The following GPR142 variants were observed in gnomAD, a reference collection of about 807,000 sequenced individuals.
GPR142 encodes G protein-coupled receptor 142.
GPR142 carries 9 observed loss-of-function variants against 10.6 expected under a neutral mutation model. The observed-to-expected ratio is 0.85, with a 90% confidence interval of 0.51 to 1.48. GPR142 has a LOEUF of 1.48. GPR142 is among the 40% of genes most tolerant of loss of function. The pLI, the probability that GPR142 is intolerant of heterozygous loss-of-function variation, is 0.00. For missense variants in GPR142, 482 were observed against 506.0 expected, an observed-to-expected ratio of 0.95 and a Z score of 0.45; for synonymous variants, 202 against 221.2, an observed-to-expected ratio of 0.91 and a Z score of 0.77.
Position 74,371,896 on chromosome 17 carries a change from G to A in GPR142, c.421G>A (p.Ala141Thr), listed in dbSNP as rs2055029700. The stretch of plus-strand genomic sequence containing the variant: ...AGTGCTGGCCCGCCAGGTGCCCCAG[G>A]CTGTGGTGCGCACGGCCAACATCCT... ...GAVLARQVPQAVVRTANILEF... is the reference protein window; with the variant it reads ...GAVLARQVPQTVVRTANILEF... The change falls in exon 4 of 4, where the codon GCT becomes ACT. Residue 141 changes from alanine (A) to threonine (T), a missense_variant. Ala to Thr is a moderately conservative substitution (Grantham distance 58). Coordinates refer to ENST00000582579, the MANE Select transcript of GPR142 (RefSeq NM_001331076.1). The A allele has an allele frequency of 2.5e-6, 4 of 1,613,002 alleles. No homozygotes were observed. The African/African-American group carries it at 5.3e-5, about 22-fold the overall frequency.
Position 74,369,640 on chromosome 17 carries a change from G to T in GPR142, c.94+6G>T. 2 of 1,543,376 alleles carry T rather than the reference G, an allele frequency of 1.3e-6. No homozygotes were observed. The highest frequency in any genetic ancestry group is 1.7e-6 in the Non-Finnish European group (2 of 1,144,776). ...GCTTGAGGGACGAGAGACAGGTAAG[G>T]CATCTTGAAGTGGGGTGTGCTGGGG... On this transcript the variant is annotated splice_donor_region_variant and intron_variant, in intron 2 of 3. Transcript: ENST00000582579.
rs1485994221 is a variant in GPR142, at chr17:74,372,265, G to A, written c.790G>A (p.Val264Met). Residue 264 changes from valine to methionine, a missense_variant, in exon 4 of 4, where the codon GTG becomes ATG. Val to Met is a conservative substitution (Grantham distance 21). Transcript: ENST00000582579. ...RRGRSGLQPR[V>M]GKSTAILLGI... Reference sequence around the variant, plus strand: ...GGGCCGGAGTGGGCTGCAGCCCCGGGTGGGCAAGAGCACAGCCATCCTCCT... The same window carrying A: ...GGGCCGGAGTGGGCTGCAGCCCCGGATGGGCAAGAGCACAGCCATCCTCCT... The A allele has an allele frequency of 1.2e-6, 2 of 1,613,488 alleles. No homozygotes were observed. The highest frequency in any genetic ancestry group is 8.5e-7 in the Non-Finnish European group (1 of 1,179,542).
Position 74,372,014 on chromosome 17 carries a change from C to T in GPR142, c.539C>T (p.Ala180Val), listed in dbSNP as rs2055031550. Residue 180 changes from alanine (A) to valine (V), a missense_variant, in exon 4 of 4, where the codon GCC becomes GTC. Transcript: ENST00000582579. Reference protein sequence around the residue: ...TALCHPLHHRAASSPGRTRRA... With the variant: ...TALCHPLHHRVASSPGRTRRA... ...CTGTGCCACCCCCTGCACCATCGGG[C>T]CGCCTCGTCCCCAGGCCGGACCCGC... 1 of 1,613,428 alleles carries T rather than the reference C, an allele frequency of 6.2e-7. No homozygotes were observed. The highest frequency in any genetic ancestry group is 1.3e-5 in the African/African-American group (1 of 75,064).
At position 74,367,759 on chromosome 17, in the gene GPR142, C is replaced by A; in HGVS notation, c.-109C>A. Reference sequence around the variant, plus strand: ...AGCAGTTTCCGCCAGGTGAATCCAGCTGCCTCCCAGAACAGGCCTTCTATG... The same window carrying A: ...AGCAGTTTCCGCCAGGTGAATCCAGATGCCTCCCAGAACAGGCCTTCTATG... On this transcript the variant is annotated 5_prime_UTR_variant, in exon 1 of 4. It adds an upstream start codon to the 5' untranslated region. Coordinates refer to ENST00000582579, the MANE Select transcript of GPR142 (RefSeq NM_001331076.1). The A allele has an allele frequency of 6.2e-7, 1 of 1,612,866 alleles. No homozygotes were observed. The highest frequency in any genetic ancestry group is 1.1e-5 in the South Asian group (1 of 90,924).
At chr17:74,371,315 C>T (rs1207769219) in intron 3 of GPR142, among the ~76,000 whole-genome samples, 2 of 152,106 alleles carry the variant, frequency 1.3e-5, no homozygotes, top group Non-Finnish European at 2.9e-5. Flanking sequence ...CACCACCGTG[C>T]CTGGCTAATT....
chr17:74,369,421 C>T (rs760836747), intron 1 of GPR142, 47 bp from the exon 2 acceptor site: 9 of 1,539,998 alleles, frequency 5.8e-6, no homozygotes, highest in Non-Finnish European at 7.9e-6. Context: ...CCTCCGCCCA[C>T]CAGTTCCTTC....
chr17:74,369,721 G>A, intron 2 of GPR142, 87 bp downstream of exon 2: 1 of 1,371,318 alleles, frequency 7.3e-7, no homozygotes, highest in Non-Finnish European at 9.7e-7. Context: ...CCTAGAGGGT[G>A]GAGTAGGGGC....
intron 3 of GPR142, among the ~76,000 whole-genome samples, 180 bp downstream of exon 3, chr17:74,370,859 T>C (rs1048391725): frequency 1.3e-5 from 2 of 152,132 alleles, no homozygotes; most frequent in East Asian, 1.9e-4. Context: ...GGGGCTAGGA[T>C]TGGGGGTGCT....
chr17:74,370,478 A>G (rs2055015033), intron 2 of GPR142, 43 bp from the exon 3 acceptor site: 2 of 1,571,100 alleles, frequency 1.3e-6, no homozygotes, highest in East Asian at 2.2e-5. Flanking sequence ...GCCAGGTTAG[A>G]AATAGACCAG....
At chr17:74,369,376 C>A in intron 1 of GPR142, 92 bp from the exon 2 acceptor site, 1 of 1,292,672 alleles carries the variant, frequency 7.7e-7, no homozygotes, top group Admixed American at 2.2e-5. Flanking sequence ...CCCTGGTTTG[C>A]TCCACCAGCA....
rs375474290 is a variant in GPR142, at chr17:74,367,612, A to C, written c.-256A>C. Reference sequence around the variant, plus strand: ...ACAGAAGCATATACTGAGGAAGACAAATCAATGGTGTCCCATGCACAGAAA... The same window carrying C: ...ACAGAAGCATATACTGAGGAAGACACATCAATGGTGTCCCATGCACAGAAA... On this transcript the variant is annotated 5_prime_UTR_variant, in exon 1 of 4. Coordinates refer to ENST00000582579, the MANE Select transcript of GPR142 (RefSeq NM_001331076.1). 51 of 1,614,084 alleles carry C rather than the reference A, an allele frequency of 3.2e-5. No homozygotes were observed. The highest frequency in any genetic ancestry group is 8.9e-5 in the East Asian group (4 of 44,896).
intron 1 of GPR142, 78 bp downstream of exon 1, chr17:74,367,872 C>G (rs1278066547): frequency 3.0e-6 from 4 of 1,346,270 alleles, no homozygotes; most frequent in Non-Finnish European, 4.0e-6. Flanking sequence ...CCTCTCCTCG[C>G]TCTGAATCCA....
intron 2 of GPR142, among the ~76,000 whole-genome samples, chr17:74,370,195 C>CG (rs59920987): frequency 9.2e-5 from 14 of 151,980 alleles, no homozygotes; most frequent in Non-Finnish European, 1.3e-4. Context: ...CAAGTGCCCC[C>CG]TGTTTCAGAG....
rs1488986464 is a variant in GPR142, at chr17:74,370,660, G to C, written c.234G>C (p.Leu78=). 1 of 1,613,194 alleles carries C rather than the reference G, an allele frequency of 6.2e-7. No homozygotes were observed. Among genetic ancestry groups the C allele is most frequent in the Non-Finnish European group, 8.5e-7 (1 of 1,179,474 alleles). Residue 78 remains leucine, a synonymous_variant, in exon 3 of 4, where the codon CTG becomes CTC. Coordinates refer to ENST00000582579, the MANE Select transcript of GPR142 (RefSeq NM_001331076.1). ...TCCCTGTCATCTACTACAGTGTCCT[G>C]CTGGGCTTGGGGCTGCCTGGTGAGT... ...GVIPVIYYSV[L]LGLGLPVSLL... is the part of the protein sequence containing the mutation.
Position 74,372,433 on chromosome 17 carries a change from G to A in GPR142, c.958G>A (p.Ala320Thr). ...CAATATGGTGGCCATGCTCCACACGGCAGCCAACTTCGGCCTCTACTGCTT... is the reference window on the plus strand; with the variant it reads ...CAATATGGTGGCCATGCTCCACACGACAGCCAACTTCGGCCTCTACTGCTT... ...VANMVAMLHT[A>T]ANFGLYCFVS... The change falls in exon 4 of 4, where the codon GCA (alanine) becomes ACA (threonine). Residue 320 changes from alanine to threonine, a missense_variant. By Grantham distance (58) the Ala-to-Thr change is moderately conservative. Transcript: ENST00000582579. The A allele has an allele frequency of 6.2e-7, 1 of 1,613,968 alleles. No homozygotes were observed. Among genetic ancestry groups the A allele is most frequent in the South Asian group, 1.1e-5 (1 of 91,084 alleles).
chr17:74,370,122 C>T (rs909060378), intron 2 of GPR142, among the ~76,000 whole-genome samples: 2 of 151,866 alleles, frequency 1.3e-5, no homozygotes, highest in East Asian at 2.0e-4. Context: ...ATTACAAGCA[C>T]GGCTGCTGCA....
At chr17:74,370,218 C>T (rs1167147496) in intron 2 of GPR142, among the ~76,000 whole-genome samples, 4 of 152,110 alleles carry the variant, frequency 2.6e-5, no homozygotes, top group East Asian at 3.9e-4. Flanking sequence ...CCTGCTAGGC[C>T]GGGTGAGGGC....
At chr17:74,369,844 T>A (rs1475523973) in intron 2 of GPR142, among the ~76,000 whole-genome samples, 1 of 151,942 alleles carries the variant, frequency 6.6e-6, no homozygotes, top group Non-Finnish European at 1.5e-5. Context: ...GGGGCCAGAG[T>A]GGACGGTGCT....
Position 74,372,105 on chromosome 17 carries a change from C to T in GPR142, c.630C>T (p.Asp210=), listed in dbSNP as rs1354574535. The change falls in exon 4 of 4, where the codon GAC becomes GAT. Residue 210 remains aspartate, a synonymous_variant. Transcript: ENST00000582579. ...GCATCCCCTTCTACTGGTGGCTGGACATGTGGAGAGACACCGACTCACCCA... is the reference window on the plus strand; with the variant it reads ...GCATCCCCTTCTACTGGTGGCTGGATATGTGGAGAGACACCGACTCACCCA... The part of the protein sequence containing the change: ...LTGIPFYWWL[D]MWRDTDSPRT... 6.2e-7 allele frequency: 1 copy of T among 1,614,084 alleles called. No homozygotes were observed. The highest frequency in any genetic ancestry group is 8.5e-7 in the Non-Finnish European group (1 of 1,180,048).
Sources: allele counts gnomAD v4.1 joint callset (sites outside exome capture counted in the v4.1 genomes callset), GRCh38; gene constraint gnomAD v4.1.1; transcripts MANE v1.5; gene names NCBI Gene and HGNC (gene_info 2026-07-23, HGNC 2026-07-21).